Variants in LAMA5 observed in about 807,000 individuals in gnomAD.
The protein encoded by LAMA5 is laminin subunit alpha 5, also known as laminin subunit alpha-5.
LAMA5 carries 260 observed loss-of-function variants against 433.4 expected under a neutral mutation model. The observed-to-expected ratio is 0.60, with a 90% confidence interval of 0.54 to 0.66. The LOEUF (loss-of-function observed/expected upper bound fraction) is 0.66, where lower values mean the gene tolerates loss of function less well. LAMA5 is among the 30% of genes least tolerant of loss of function. LAMA5 has a pLI of 0.00. For synonymous variants in LAMA5, 2,620 were observed against 2,226.6 expected, an observed-to-expected ratio of 1.18 and a Z score of -4.97; for missense variants, 5,378 against 5,258.5, an observed-to-expected ratio of 1.02 and a Z score of -0.70.
intron 6 of LAMA5, among the ~76,000 whole-genome samples, chr20:62,348,842 TAA>T (rs942887636): frequency 6.6e-6 from 1 of 151,564 alleles, no homozygotes; most frequent in Non-Finnish European, 1.5e-5. Context: ...CCTCAGAAGA[TAA>T]AGAGAGAGGA....
At position 62,323,439 on chromosome 20, in the gene LAMA5, C is replaced by T. The variant is rs775460830; in HGVS notation, c.6064+17G>A. The T allele has an allele frequency of 2.0e-6, 3 of 1,527,372 alleles. No individual in the cohort carries two copies. Among genetic ancestry groups the T allele is most frequent in the South Asian group, 2.4e-5 (2 of 82,332 alleles). 94.6% of individuals were successfully genotyped at this position (1,527,372 alleles called of 1,614,324 possible). A position where few individuals can be genotyped will look rare whatever the true frequency, so the allele number is the denominator to read the frequency against. Reference sequence around the variant, plus strand: ...GCAACCCTCCCCAGGGTGCATCCCTCCCAGCCCGACGCCTACGGGTGCAGT... The same window carrying T: ...GCAACCCTCCCCAGGGTGCATCCCTTCCAGCCCGACGCCTACGGGTGCAGT... On this transcript the variant is annotated intron_variant, in intron 45 of 79. Coordinates refer to ENST00000252999, the MANE Select transcript of LAMA5 (RefSeq NM_005560.6).
In LAMA5 at chr20:62,338,556, T is replaced by A. The variant is rs776771641; in HGVS notation, c.1530A>T (p.Pro510=). 21 of 1,611,396 alleles carry A rather than the reference T, an allele frequency of 1.3e-5. No homozygotes were observed. Among genetic ancestry groups the A allele is most frequent in the Non-Finnish European group, 1.8e-5 (21 of 1,179,564 alleles). The change falls in exon 12 of 80, where the codon CCA becomes CCT. Residue 510 remains proline (P), a synonymous_variant. Transcript: ENST00000252999. ...GTQGNACRKD[P]RVGRCLCKPN... is the part of the protein sequence containing the mutation. ...GTTTGCACAGACAGCGTCCCACCCTTGGGTCCTTCCGGCAGGCGTTGCCCT... is the reference window on the plus strand; with the variant it reads ...GTTTGCACAGACAGCGTCCCACCCTAGGGTCCTTCCGGCAGGCGTTGCCCT...
intron 1 of LAMA5, among the ~76,000 whole-genome samples, chr20:62,366,677 C>G (rs954903854): frequency 2.0e-5 from 3 of 152,220 alleles, no homozygotes; most frequent in Admixed American, 6.5e-5. Flanking sequence ...CGGCCCCCCT[C>G]CCGCCCCGGT....
chr20:62,323,792 C>T lies in LAMA5; in HGVS notation c.5833G>A (p.Gly1945Ser). The T allele has an allele frequency of 6.2e-7, 1 of 1,610,536 alleles. No individual in the cohort carries two copies. Among genetic ancestry groups the T allele is most frequent in the African/African-American group, 1.3e-5 (1 of 74,996 alleles). The change falls in exon 44 of 80, where the codon GGT becomes AGT. Residue 1945 changes from glycine (G) to serine (S), a missense_variant. Gly to Ser is a moderately conservative substitution (Grantham distance 56, BLOSUM62 0). Coordinates refer to ENST00000252999, the MANE Select transcript of LAMA5 (RefSeq NM_005560.6). ...TQCLCKPGYA[G>S]ASCERCAPGF... is the part of the protein sequence containing the mutation. ...CCAGCTCACCGCTCGCAGGAGGCAC[C>T]TGCATAACCAGGTTTGCAGAGGCAC... is the stretch of plus-strand genomic sequence containing the variant.
Position 62,337,942 on chromosome 20 carries a change from C to A in LAMA5, c.1892-4G>T. 1 of 1,607,728 alleles carries A rather than the reference C, an allele frequency of 6.2e-7. No homozygotes were observed. Among genetic ancestry groups the A allele is most frequent in the Admixed American group, 1.7e-5 (1 of 59,256 alleles). ...CCCCGAGGGTCGCAGGTGCATGCTGCAGAGGGACAATGGGGTCAGGCCCTG... is the reference window on the plus strand; with the variant it reads ...CCCCGAGGGTCGCAGGTGCATGCTGAAGAGGGACAATGGGGTCAGGCCCTG... On this transcript the variant is annotated splice_region_variant and splice_polypyrimidine_tract_variant and intron_variant, in intron 14 of 79. Transcript: ENST00000252999.
rs546874170 is a variant in LAMA5 at position 62,330,420 on chromosome 20, G to A, written c.3979+68C>T. The A allele has an allele frequency of 5.4e-5, 79 of 1,461,402 alleles. No homozygotes were observed. The African/African-American group carries it at 8.5e-4, about 16-fold the overall frequency. 90.5% of individuals were successfully genotyped at this position (1,461,402 alleles called of 1,614,324 possible). Reference sequence around the variant, plus strand: ...GCTCATAGCAGGTAGCACAGGCCACGCTGTGGCGCCGGCATTCCAGCCTCA... The same window carrying A: ...GCTCATAGCAGGTAGCACAGGCCACACTGTGGCGCCGGCATTCCAGCCTCA... On this transcript the variant is annotated intron_variant, in intron 31 of 79. Coordinates refer to ENST00000252999, the MANE Select transcript of LAMA5 (RefSeq NM_005560.6).
At position 62,346,573 on chromosome 20, in the gene LAMA5, A is replaced by G; in HGVS notation, c.1215T>C (p.Cys405=). ...DCQHHTTGVN[C]ERCLPGFYRS... is the part of the protein sequence containing the mutation. ...GGTAGAAGCCGGGCAGGCAGCGCTC[A>G]CAGTTGACGCCGGTGGTGTGGTGCT... Residue 405 remains cysteine (C), a synonymous_variant, in exon 9 of 80, where the codon TGT becomes TGC. Transcript: ENST00000252999. The G allele has an allele frequency of 6.3e-7, 1 of 1,584,246 alleles. No individual in the cohort carries two copies. Among genetic ancestry groups the G allele is most frequent in the South Asian group, 1.1e-5 (1 of 87,564 alleles).
At chr20:62,334,753 CAGGGCG>C (rs71195445) in intron 20 of LAMA5, 132 bp from the exon 21 acceptor site, 6 of 583,328 alleles carry the variant, frequency 1.0e-5, no homozygotes, top group African/African-American at 5.8e-5. Flanking sequence ...GCTCAGGGCT[CAGGGCG>C]AGGGCGAGGG....
chr20:62,349,906 G>A (rs115556932), intron 6 of LAMA5, among the ~76,000 whole-genome samples: 396 of 149,078 alleles, frequency 2.7e-3, no homozygotes, highest in African/African-American at 9.3e-3. Context: ...TGGAGGTAAA[G>A]AGGCAGAAAA....
rs1466034500 is a variant in LAMA5 at position 62,325,561 on chromosome 20, T to C, written c.5299-15A>G. On this transcript the variant is annotated splice_polypyrimidine_tract_variant and intron_variant, in intron 40 of 79. Coordinates refer to ENST00000252999, the MANE Select transcript of LAMA5 (RefSeq NM_005560.6). Reference sequence around the variant, plus strand: ...CGGAAGTTCCCCTGTGGGTCCAGGATGGCACCTCAGTGGGGCCACACTCAA... The same window carrying C: ...CGGAAGTTCCCCTGTGGGTCCAGGACGGCACCTCAGTGGGGCCACACTCAA... The C allele has an allele frequency of 6.4e-7, 1 of 1,569,494 alleles. No homozygotes were observed. Among genetic ancestry groups the C allele is most frequent in the Non-Finnish European group, 8.7e-7 (1 of 1,146,062 alleles).
Position 62,310,493 on chromosome 20 carries a change from C to T in LAMA5, c.10526G>A (p.Gly3509Glu). Residue 3509 changes from glycine (G) to glutamate (E), a missense_variant, in exon 76 of 80, where the codon GGG becomes GAG. By Grantham distance (98) the Gly-to-Glu change is moderately conservative. Transcript: ENST00000252999. ...GGGGCCCAAGATGCAGGGTGTGACC[C>T]CTGCCATCCGTGTGGGGGCCCCCAG... ...RPLGAPTRMA[G>E]VTPCILGPLE... 1 of 1,571,032 alleles carries T rather than the reference C, an allele frequency of 6.4e-7. No individual in the cohort carries two copies. The highest frequency in any genetic ancestry group is 8.6e-7 in the Non-Finnish European group (1 of 1,164,790).
rs754844649 is a variant in LAMA5, at chr20:62,310,665, C to G, written c.10446G>C (p.Pro3482=). 2 of 1,602,384 alleles carry G rather than the reference C, an allele frequency of 1.2e-6. No homozygotes were observed. The highest frequency in any genetic ancestry group is 8.5e-7 in the Non-Finnish European group (1 of 1,178,186). ...LPASSHSSKL[P]VTVGFSGCVK... ...GGGGCTGGGGCAAGATGGTTCTCAC[C>G]GGAAGTTTGGAGCTGTGGCTGCTGG... The change falls in exon 75 of 80, where the codon CCG becomes CCC. Residue 3482 remains proline, a splice_region_variant and synonymous_variant. Coordinates refer to ENST00000252999, the MANE Select transcript of LAMA5 (RefSeq NM_005560.6).
At position 62,365,505 on chromosome 20, in the gene LAMA5, G is replaced by A. The variant is rs547547936; in HGVS notation, c.297+1444C>T. ...CAGCCACGCAGCATGGGCAGGCTGT[G>A]GGGGGGTGGTCTGAGGTTCACAGGG... On this transcript the variant is annotated intron_variant, in intron 1 of 79. Coordinates refer to ENST00000252999, the MANE Select transcript of LAMA5 (RefSeq NM_005560.6). Among the ~76,000 whole-genome samples the A allele has an allele frequency of 2.6e-5, 4 of 152,252 alleles. No homozygotes were observed. The South Asian group carries it at 6.2e-4, about 24-fold the overall frequency.
chr20:62,328,709 C>T, intron 34 of LAMA5, 135 bp downstream of exon 34: 2 of 921,412 alleles, frequency 2.2e-6, no homozygotes, highest in Non-Finnish European at 3.2e-6. Flanking sequence ...TGGGCCCAGG[C>T]CCGCAGATGG....
Position 62,310,584 on chromosome 20 carries a change from G to T in LAMA5, c.10447-12C>A. 6.4e-7 allele frequency: 1 copy of T among 1,564,278 alleles called. No individual in the cohort carries two copies. The highest frequency in any genetic ancestry group is 8.6e-7 in the Non-Finnish European group (1 of 1,159,536). On this transcript the variant is annotated splice_polypyrimidine_tract_variant and intron_variant, in intron 75 of 79. Coordinates refer to ENST00000252999, the MANE Select transcript of LAMA5 (RefSeq NM_005560.6). ...AACCCGACGGTCACCTATAGGAGCAGACCGGGCAGGGATCAGGGCCCAGGG... is the reference window on the plus strand; with the variant it reads ...AACCCGACGGTCACCTATAGGAGCATACCGGGCAGGGATCAGGGCCCAGGG...
intron 11 of LAMA5, 83 bp from the exon 12 acceptor site, chr20:62,338,691 A>C: frequency 7.4e-7 from 1 of 1,351,250 alleles, no homozygotes. Context: ...CCCTCTCCAC[A>C]AACTCATTTT....
intron 58 of LAMA5, 67 bp downstream of exon 58, chr20:62,315,881 G>T: frequency 8.2e-7 from 1 of 1,226,972 alleles, no homozygotes; most frequent in Non-Finnish European, 1.2e-6. Flanking sequence ...ACCACATGTG[G>T]CCAGCGCCAC....
chr20:62,358,862 G>C (rs372764243), intron 2 of LAMA5, among the ~76,000 whole-genome samples: 5 of 152,120 alleles, frequency 3.3e-5, no homozygotes, highest in African/African-American at 1.2e-4. Flanking sequence ...ACTTGGAGGG[G>C]ACAGCTGACT....
chr20:62,356,582 T>C (rs1303533146), intron 2 of LAMA5: 2 of 152,254 alleles, frequency 1.3e-5, no homozygotes, highest in African/African-American at 4.8e-5. Flanking sequence ...CAGTCCCCAC[T>C]ACCCAGCTTG....
Sources: allele counts gnomAD v4.1 joint callset (sites outside exome capture counted in the v4.1 genomes callset), GRCh38; gene constraint gnomAD v4.1.1; transcripts MANE v1.5; gene names NCBI Gene and HGNC (gene_info 2026-07-23, HGNC 2026-07-21).